Variants in FSIP1 observed in about 807,000 individuals in gnomAD.
FSIP1 encodes the protein fibrous sheath interacting protein 1, also known as fibrous sheath-interacting protein 1.
A neutral mutation model predicts 60.9 loss-of-function variants in FSIP1; 65 were observed. That is an observed-to-expected ratio of 1.07 (90% CI 0.87 to 1.31). The LOEUF is 1.31. Among genes scored for constraint, FSIP1 ranks in the 40% most tolerant of loss-of-function variants. The pLI, the probability that FSIP1 is intolerant of heterozygous loss-of-function variation, is 0.00. For synonymous variants in FSIP1, 209 were observed against 221.2 expected, an observed-to-expected ratio of 0.94 and a Z score of 0.49; for missense variants, 675 against 665.5, an observed-to-expected ratio of 1.01 and a Z score of -0.16.
At chr15:39,668,866 T>C (rs1050348711) in intron 10 of FSIP1, among the ~76,000 whole-genome samples, 1 of 152,240 alleles carries the variant, frequency 6.6e-6, no homozygotes, top group South Asian at 2.1e-4. Context: ...GTTAGTTTGC[T>C]GAAAGCTAGG....
intron 9 of FSIP1, among the ~76,000 whole-genome samples, chr15:39,721,848 A>C (rs546663647): frequency 1.3e-5 from 2 of 152,332 alleles, no homozygotes; most frequent in Admixed American, 1.3e-4. Context: ...GAGAACTAGA[A>C]ATTTGGATTT....
chr15:39,731,787 T>C (rs1488208136), intron 8 of FSIP1, among the ~76,000 whole-genome samples: 1 of 152,102 alleles, frequency 6.6e-6, no homozygotes, highest in Non-Finnish European at 1.5e-5. Context: ...ACCACCAGAC[T>C]CCCCGACTCA....
At chr15:39,632,188 T>C (rs894027506) in intron 10 of FSIP1, among the ~76,000 whole-genome samples, 4 of 152,188 alleles carry the variant, frequency 2.6e-5, no homozygotes, top group Non-Finnish European at 5.9e-5. Flanking sequence ...TTTGTTGTTG[T>C]TGTTGTTGAG....
chr15:39,759,792 G>A (rs1160241837), intron 5 of FSIP1, among the ~76,000 whole-genome samples: 1 of 152,102 alleles, frequency 6.6e-6, no homozygotes, highest in Non-Finnish European at 1.5e-5. Flanking sequence ...TCCAATCTCT[G>A]CCTCCGTCTT....
chr15:39,726,553 A>C (rs199517902), intron 9 of FSIP1, 36 bp downstream of exon 9: 1 of 1,532,000 alleles, frequency 6.5e-7, no homozygotes, highest in African/African-American at 1.3e-5. Flanking sequence ...GCTTTAGCAC[A>C]CATTAACTTG....
intron 9 of FSIP1, among the ~76,000 whole-genome samples, chr15:39,726,338 T>C (rs565340749): frequency 9.2e-5 from 14 of 152,250 alleles, no homozygotes; most frequent in Admixed American, 2.6e-4. Context: ...TCTCTCTTGA[T>C]CATGATCGAG....
chr15:39,746,006 G>A (rs1362905274), intron 5 of FSIP1, among the ~76,000 whole-genome samples: 1 of 152,074 alleles, frequency 6.6e-6, no homozygotes, highest in Non-Finnish European at 1.5e-5. Flanking sequence ...TTGAGCCCAG[G>A]AATTCGAGGT....
intron 9 of FSIP1, among the ~76,000 whole-genome samples, chr15:39,723,431 A>G (rs28691633): frequency 0.12 from 18,075 of 152,172 alleles, 1,312 homozygotes; most frequent in African/African-American, 0.2. Context: ...GGATTTCACC[A>G]TGTTAGCCAG....
chr15:39,733,199 T>C (rs910997338), intron 8 of FSIP1, among the ~76,000 whole-genome samples: 2 of 152,118 alleles, frequency 1.3e-5, no homozygotes, highest in African/African-American at 4.8e-5. Context: ...CCTGGCTAAT[T>C]GTTGTATTTT....
At chr15:39,665,036 T>C (rs1893441671) in intron 10 of FSIP1, among the ~76,000 whole-genome samples, 1 of 152,150 alleles carries the variant, frequency 6.6e-6, no homozygotes, top group South Asian at 2.1e-4. Context: ...TCCTTAAATA[T>C]TTGTTGCAAG....
chr15:39,658,599 C>T (rs1893168352), intron 10 of FSIP1, among the ~76,000 whole-genome samples: 1 of 152,092 alleles, frequency 6.6e-6, no homozygotes, highest in African/African-American at 2.4e-5. Context: ...TTAAGTTTGC[C>T]TAAATTCTCT....
chr15:39,742,142 G>T lies in FSIP1; in HGVS notation c.560-242C>A, dbSNP rs142364706. Reference sequence around the variant, plus strand: ...AAGATAGTTAAACAGCATTTCCCTAGAACTTAAGCACAAAAAGGATGTGTA... The same window carrying T: ...AAGATAGTTAAACAGCATTTCCCTATAACTTAAGCACAAAAAGGATGTGTA... On this transcript the variant is annotated intron_variant, in intron 5 of 11. Coordinates refer to ENST00000350221, the MANE Select transcript of FSIP1 (RefSeq NM_152597.5). Among the ~76,000 whole-genome samples the T allele has an allele frequency of 8.5e-3, 1,294 of 152,212 alleles. 18 individuals are homozygous for T. The highest frequency in any genetic ancestry group is 0.029 in the African/African-American group (1,206 of 41,542).
chr15:39,713,507 T>C lies in FSIP1; in HGVS notation c.1125A>G (p.Gln375=). 6.2e-7 allele frequency: 1 copy of C among 1,612,084 alleles called. No homozygotes were observed. Among genetic ancestry groups the C allele is most frequent in the East Asian group, 2.2e-5 (1 of 44,776 alleles). ...CTCTCAGCCGATTATGCAGATCGCG[T>C]TGCTCTTTGGTGTTCCTAAGTATCT... is the stretch of plus-strand genomic sequence containing the variant. ...GEKILRNTKE[Q]RDLHNRLREI... is the part of the protein sequence containing the mutation. The change falls in exon 10 of 12, where the codon CAA becomes CAG. Residue 375 remains glutamine, a synonymous_variant. Transcript: ENST00000350221.
rs1379426030 is a variant in FSIP1 at position 39,740,124 on chromosome 15, C to A, written c.656-335G>T. Among the ~76,000 whole-genome samples, 5 of 152,258 alleles carry A rather than the reference C, an allele frequency of 3.3e-5. No homozygotes were observed. The East Asian group carries it at 9.6e-4, about 29-fold the overall frequency. The stretch of plus-strand genomic sequence containing the variant: ...GAAGAAATCGCTGATGTTAGGGAGA[C>A]TTTAAAATATATTTTTTATTTCAGT... On this transcript the variant is annotated intron_variant, in intron 6 of 11. Transcript: ENST00000350221.
Position 39,691,577 on chromosome 15 carries a change from T to C in FSIP1, c.1188+21867A>G, listed in dbSNP as rs1414380024. The stretch of plus-strand genomic sequence containing the variant: ...GAAGTTAGGTTCCGGGATGAGTCTG[T>C]GGCATCAGCCAATTAAAGTCCTTTC... On this transcript the variant is annotated intron_variant, in intron 10 of 11. Coordinates refer to ENST00000350221, the MANE Select transcript of FSIP1 (RefSeq NM_152597.5). 4.6e-5 allele frequency among the ~76,000 whole-genome samples: 7 copies of C among 152,234 alleles called. No homozygotes were observed. The East Asian group carries it at 1.2e-3, about 25-fold the overall frequency.
At chr15:39,744,513 TC>T (rs1370966645) in intron 5 of FSIP1, among the ~76,000 whole-genome samples, 1 of 151,964 alleles carries the variant, frequency 6.6e-6, no homozygotes, top group African/African-American at 2.4e-5. Flanking sequence ...ATTAAGCTGC[TC>T]CCCGGCACAG....
intron 10 of FSIP1, among the ~76,000 whole-genome samples, chr15:39,656,862 A>T (rs1311774001): frequency 6.6e-6 from 1 of 152,258 alleles, no homozygotes; most frequent in Non-Finnish European, 1.5e-5. Flanking sequence ...TCAGAGGATC[A>T]TGTGTGCCTC....
At chr15:39,746,896 A>C (rs1000701023) in intron 5 of FSIP1, among the ~76,000 whole-genome samples, 3 of 152,188 alleles carry the variant, frequency 2.0e-5, no homozygotes, top group African/African-American at 7.2e-5. Context: ...TGTATCTTTT[A>C]ACAGGCTAGT....
At chr15:39,694,454 T>C (rs1472499028) in intron 10 of FSIP1, among the ~76,000 whole-genome samples, 2 of 152,216 alleles carry the variant, frequency 1.3e-5, no homozygotes, top group African/African-American at 2.4e-5. Flanking sequence ...CCTCAGTCAC[T>C]ATGTAAGTTC....
Sources: allele counts gnomAD v4.1 joint callset (sites outside exome capture counted in the v4.1 genomes callset), GRCh38; gene constraint gnomAD v4.1.1; transcripts MANE v1.5; gene names NCBI Gene and HGNC (gene_info 2026-07-23, HGNC 2026-07-21).